The following ZNF385B variants were observed in gnomAD, a reference collection of about 807,000 sequenced individuals.
The protein encoded by ZNF385B is zinc finger protein 385B.
In ZNF385B, 23 loss-of-function variants were observed where a neutral mutation model predicts 39.2. That is an observed-to-expected ratio of 0.59 (90% CI 0.42 to 0.83). The LOEUF is 0.83. Among genes scored for constraint, ZNF385B ranks in the 40% least tolerant of loss-of-function variants. The pLI, the probability that ZNF385B is intolerant of heterozygous loss-of-function variation, is 0.00. For synonymous variants in ZNF385B, 205 were observed against 222.6 expected (o/e 0.92, Z 0.70); for missense variants, 552 against 598.9 (o/e 0.92, Z 0.82).
At chr2:179,488,453 C>T (rs2054853903) in intron 5 of ZNF385B, among the ~76,000 whole-genome samples, 1 of 152,100 alleles carries the variant, frequency 6.6e-6, no homozygotes. Context: ...CTGATTTTTA[C>T]CTTATTTCTA....
chr2:179,497,862 G>A (rs1030594990), intron 5 of ZNF385B, among the ~76,000 whole-genome samples: 1 of 152,020 alleles, frequency 6.6e-6, no homozygotes, highest in East Asian at 1.9e-4. Flanking sequence ...GAAAATTAAG[G>A]GATGTAAAGA....
At chr2:179,851,040 T>G (rs1011187376) in intron 1 of ZNF385B, among the ~76,000 whole-genome samples, 2 of 152,242 alleles carry the variant, frequency 1.3e-5, no homozygotes, top group African/African-American at 4.8e-5. Flanking sequence ...ATATGCAAAG[T>G]TCCCTCTCAC....
At chr2:179,856,710 G>A (rs903917916) in intron 1 of ZNF385B, among the ~76,000 whole-genome samples, 3 of 150,684 alleles carry the variant, frequency 2.0e-5, no homozygotes, top group Non-Finnish European at 2.9e-5. Flanking sequence ...AAATGAGAAG[G>A]AATATTTAAC....
chr2:179,832,687 A>G (rs1468231773), intron 1 of ZNF385B, among the ~76,000 whole-genome samples: 1 of 152,206 alleles, frequency 6.6e-6, no homozygotes, highest in Non-Finnish European at 1.5e-5. Context: ...GATTTAAATA[A>G]CCAACTTAAA....
chr2:179,613,879 A>T (rs551402483), intron 3 of ZNF385B, among the ~76,000 whole-genome samples: 14 of 152,226 alleles, frequency 9.2e-5, no homozygotes, highest in African/African-American at 3.1e-4. Flanking sequence ...GCTTGCCAGA[A>T]CTCAGCTTCT....
At chr2:179,502,664 T>G (rs957423592) in intron 5 of ZNF385B, among the ~76,000 whole-genome samples, 10 of 152,176 alleles carry the variant, frequency 6.6e-5, no homozygotes, top group Non-Finnish European at 1.5e-4. Context: ...ATTAATTCTC[T>G]TTTCTTCATA....
chr2:179,760,589 T>A (rs577910128), intron 3 of ZNF385B, among the ~76,000 whole-genome samples: 1 of 152,280 alleles, frequency 6.6e-6, no homozygotes, highest in African/African-American at 2.4e-5. Context: ...AAGATATGCA[T>A]GTCAAATCCT....
chr2:179,567,206 G>A (rs79647623), intron 3 of ZNF385B, among the ~76,000 whole-genome samples: 26,920 of 152,000 alleles, frequency 0.18, 2,562 homozygotes, highest in African/African-American at 0.25. Flanking sequence ...TTGAGCCACC[G>A]TGCCAGGCCC....
chr2:179,707,589 G>A (rs1699704760), intron 3 of ZNF385B, among the ~76,000 whole-genome samples: 1 of 152,168 alleles, frequency 6.6e-6, no homozygotes, highest in Non-Finnish European at 1.5e-5. Context: ...TATCTTAGTT[G>A]GCACCCAACC....
intron 6 of ZNF385B, among the ~76,000 whole-genome samples, chr2:179,452,626 A>G (rs2050268546): frequency 6.6e-6 from 1 of 152,136 alleles, no homozygotes; most frequent in South Asian, 2.1e-4. Flanking sequence ...TTTGAGTTTA[A>G]TTTTATTTAT....
chr2:179,443,786 GTTCAATGCAAAA>G (rs1232564854), intron 9 of ZNF385B, among the ~76,000 whole-genome samples: 23 of 152,290 alleles, frequency 1.5e-4, no homozygotes, highest in East Asian at 7.7e-4. Flanking sequence ...AGATGATGAA[GTTCAATGCAAAA>G]TTCAGGCTTG....
At chr2:179,743,202 T>C (rs1702178771) in intron 3 of ZNF385B, among the ~76,000 whole-genome samples, 1 of 152,048 alleles carries the variant, frequency 6.6e-6, no homozygotes, top group South Asian at 2.1e-4. Flanking sequence ...TCAATTTGTT[T>C]CATGGGCTTT....
At chr2:179,842,339 G>A (rs1476558929) in intron 1 of ZNF385B, among the ~76,000 whole-genome samples, 1 of 152,100 alleles carries the variant, frequency 6.6e-6, no homozygotes, top group African/African-American at 2.4e-5. Context: ...ACCAGTTTGT[G>A]TTCAGAAATT....
intron 3 of ZNF385B, among the ~76,000 whole-genome samples, chr2:179,731,405 C>A (rs1701380478): frequency 6.6e-6 from 1 of 151,486 alleles, no homozygotes; most frequent in Admixed American, 6.6e-5. Flanking sequence ...AAATCTTTGC[C>A]ATGTGTACTT....
At chr2:179,720,477 G>T (rs1430220507) in intron 3 of ZNF385B, among the ~76,000 whole-genome samples, 12 of 131,782 alleles carry the variant, frequency 9.1e-5, no homozygotes, top group Admixed American at 2.2e-4. Context: ...AAGGAGAGCA[G>T]GGATGAGGGG....
rs140457594 is a variant in ZNF385B at position 179,701,476 on chromosome 2, T to C, written c.298+68027A>G. ...GTGTAGTAGAAACAATTATTATTCA[T>C]ATTTAATATACAGTGTAAAGAAAGC... On this transcript the variant is annotated intron_variant, in intron 3 of 9. Coordinates refer to ENST00000410066, the MANE Select transcript of ZNF385B (RefSeq NM_152520.6). Among the ~76,000 whole-genome samples, 1,321 of 152,328 alleles carry C rather than the reference T, an allele frequency of 8.7e-3. 20 individuals are homozygous for C. The highest frequency in any genetic ancestry group is 0.029 in the African/African-American group (1,222 of 41,566).
chr2:179,631,819 A>G (rs1174422465), intron 3 of ZNF385B, among the ~76,000 whole-genome samples: 1 of 152,154 alleles, frequency 6.6e-6, no homozygotes, highest in Non-Finnish European at 1.5e-5. Context: ...AAAGGGATGG[A>G]GGAAGATCTA....
chr2:179,494,014 T>C (rs2055877056), intron 5 of ZNF385B, among the ~76,000 whole-genome samples: 1 of 151,386 alleles, frequency 6.6e-6, no homozygotes, highest in African/African-American at 2.4e-5. Context: ...TATATATATA[T>C]TAGTGTTAAC....
rs1034787131 is a variant in ZNF385B at position 179,715,482 on chromosome 2, A to T, written c.298+54021T>A. ...CTCCAGAAAAAGGGATTTACTGAGAAAGCACTGGGACCAAAAATAACATTT... is the reference window on the plus strand; with the variant it reads ...CTCCAGAAAAAGGGATTTACTGAGATAGCACTGGGACCAAAAATAACATTT... On this transcript the variant is annotated intron_variant, in intron 3 of 9. Transcript: ENST00000410066. Among the ~76,000 whole-genome samples the T allele has an allele frequency of 2.6e-5, 4 of 152,344 alleles. No individual in the cohort carries two copies. In the East Asian group the frequency reaches 7.7e-4, roughly 29 times the overall value.
Sources: allele counts gnomAD v4.1 joint callset (sites outside exome capture counted in the v4.1 genomes callset), GRCh38; gene constraint gnomAD v4.1.1; transcripts MANE v1.5; gene names NCBI Gene and HGNC (gene_info 2026-07-23, HGNC 2026-07-21).